Variants in SELENOI observed in about 807,000 individuals in gnomAD.
SELENOI encodes the protein selenoprotein I, also known as ethanolaminephosphotransferase 1.
A neutral mutation model predicts 50.7 loss-of-function variants in SELENOI; 24 were observed. The observed-to-expected ratio is 0.47, with a 90% confidence interval of 0.34 to 0.67. The LOEUF is 0.67. SELENOI is among the 30% of genes least tolerant of loss of function. SELENOI has a pLI of 0.01. For missense variants in SELENOI, 352 were observed against 461.4 expected (o/e 0.76, Z 2.17); for synonymous variants, 155 against 170.2 (o/e 0.91, Z 0.70).
chr2:26,381,001 T>A (rs1677681375), intron 6 of SELENOI, among the ~76,000 whole-genome samples: 2 of 151,558 alleles, frequency 1.3e-5, no homozygotes, highest in South Asian at 4.2e-4. Flanking sequence ...GCTATTCATA[T>A]ATTAGGTATA....
intron 3 of SELENOI, among the ~76,000 whole-genome samples, chr2:26,365,711 A>C (rs1167428488): frequency 1.3e-5 from 2 of 151,934 alleles, no homozygotes; most frequent in Non-Finnish European, 1.5e-5. Context: ...AGTTCAGCAG[A>C]CTTTTCTGGA....
At chr2:26,370,716 A>C (rs1574757527) in intron 4 of SELENOI, among the ~76,000 whole-genome samples, 1 of 128,986 alleles carries the variant, frequency 7.8e-6, no homozygotes, top group East Asian at 2.6e-4. Context: ...CACCTCCCGG[A>C]CGGGGCGGCT....
intron 7 of SELENOI, 22 bp from the exon 8 acceptor site, chr2:26,384,937 A>T (rs1230868447): frequency 3.9e-6 from 6 of 1,557,984 alleles, no homozygotes. Flanking sequence ...TGTTCTTTAT[A>T]TTACTTGATT....
At chr2:26,362,440 T>C (rs1169314382) in intron 1 of SELENOI, among the ~76,000 whole-genome samples, 1 of 152,226 alleles carries the variant, frequency 6.6e-6, no homozygotes, top group African/African-American at 2.4e-5. Flanking sequence ...ACTTATTTTG[T>C]ATACATACTG....
chr2:26,367,218 T>C lies in SELENOI; in HGVS notation c.308T>C (p.Leu103Pro). The change falls in exon 4 of 10, where the codon CTA (leucine) becomes CCA (proline). Residue 103 changes from leucine to proline, a missense_variant and splice_region_variant. By Grantham distance (98) the Leu-to-Pro change is moderately conservative (BLOSUM62 -3). Coordinates refer to ENST00000260585, the MANE Select transcript of SELENOI (RefSeq NM_033505.4). ...ATCCTCAACTTCGTAGCCTACACTC[T>C]AGGTAAGGAATTGGTAAATACTTAC... ...VGILNFVAYT[L>P]DGVDGKQARR... 2.5e-6 allele frequency: 4 copies of C among 1,605,432 alleles called. No homozygotes were observed. The highest frequency in any genetic ancestry group is 3.4e-6 in the Non-Finnish European group (4 of 1,175,502).
chr2:26,387,488 C>T (rs144696661), intron 9 of SELENOI, among the ~76,000 whole-genome samples: 3 of 151,512 alleles, frequency 2.0e-5, no homozygotes, highest in East Asian at 3.9e-4. Context: ...CTCAGGAGTT[C>T]GAGACCACCC....
Position 26,386,396 on chromosome 2 carries a change from A to G in SELENOI, c.955A>G (p.Thr319Ala). Residue 319 changes from threonine to alanine, a missense_variant, in exon 9 of 10, where the codon ACT becomes GCT. Thr to Ala is a moderately conservative substitution (Grantham distance 58). Coordinates refer to ENST00000260585, the MANE Select transcript of SELENOI (RefSeq NM_033505.4). ...VCQMSSTRCPTLNWLLVPLFL... is the reference protein window; with the variant it reads ...VCQMSSTRCPALNWLLVPLFL... Reference sequence around the variant, plus strand: ...CCAAATGAGTAGTACCCGGTGTCCAACTTTGAATTGGTTGCTGGTTCCTCT... The same window carrying G: ...CCAAATGAGTAGTACCCGGTGTCCAGCTTTGAATTGGTTGCTGGTTCCTCT... 2.5e-6 allele frequency: 4 copies of G among 1,613,946 alleles called. No homozygotes were observed. The highest frequency in any genetic ancestry group is 3.4e-6 in the Non-Finnish European group (4 of 1,179,874).
chr2:26,384,944 G>T lies in SELENOI; in HGVS notation c.732-15G>T, dbSNP rs771007048. 3.2e-6 allele frequency: 5 copies of T among 1,577,554 alleles called. No homozygotes were observed. In the South Asian group the frequency reaches 4.6e-5, roughly 14 times the overall value. ...TGTAATAATGTTCTTTATATTACTT[G>T]ATTTTTTTTTCCAGAAGCTATAAAA... On this transcript the variant is annotated splice_polypyrimidine_tract_variant and intron_variant, in intron 7 of 9. Coordinates refer to ENST00000260585, the MANE Select transcript of SELENOI (RefSeq NM_033505.4).
intron 1 of SELENOI, among the ~76,000 whole-genome samples, chr2:26,357,592 G>C (rs940196380): frequency 6.6e-6 from 1 of 152,188 alleles, no homozygotes; most frequent in African/African-American, 2.4e-5. Context: ...CTCTATTTCA[G>C]CTTCCAGTAG....
At chr2:26,364,002 C>T (rs987577568) in intron 1 of SELENOI, among the ~76,000 whole-genome samples, 5 of 152,068 alleles carry the variant, frequency 3.3e-5, no homozygotes, top group East Asian at 1.9e-4. Context: ...TTGACCTTCC[C>T]GAAGTGCTAG....
intron 6 of SELENOI, among the ~76,000 whole-genome samples, chr2:26,379,422 G>A (rs1417984975): frequency 6.6e-6 from 1 of 151,974 alleles, no homozygotes; most frequent in African/African-American, 2.4e-5. Flanking sequence ...ATGTTCCTCT[G>A]CCCCTCACTT....
At chr2:26,364,781 G>A in intron 2 of SELENOI, 51 bp from the exon 3 acceptor site, 1 of 1,320,026 alleles carries the variant, frequency 7.6e-7, no homozygotes, top group Middle Eastern at 2.0e-4. Context: ...AGTATACATT[G>A]GACAGAGATT....
intron 6 of SELENOI, among the ~76,000 whole-genome samples, chr2:26,378,569 C>CAT (rs949618554): frequency 2.0e-5 from 3 of 152,226 alleles, no homozygotes; most frequent in Non-Finnish European, 4.4e-5. Flanking sequence ...TATCTGCTTC[C>CAT]ATAAGCTGGT....
rs1678056385 is a variant in SELENOI, at chr2:26,394,937, C to G, written c.*5834C>G. 2.6e-5 allele frequency: 4 copies of G among 152,196 alleles called. No individual in the cohort carries two copies. Among genetic ancestry groups the G allele is most frequent in the Admixed American group, 2.6e-4 (4 of 15,288 alleles). The allele number at this position is 152,196 out of a possible 1,614,324, so 9.4% of individuals were successfully genotyped here. On this transcript the variant is annotated 3_prime_UTR_variant, in exon 10 of 10. Transcript: ENST00000260585. The surrounding 1 kb of genome is among the most constrained non-coding windows in gnomAD (Gnocchi z 4.1). ...TCTGAAACAAGAGGACGATTCCATTCCTTCTCAGGAACCTAGAAACAACAC... is the reference window on the plus strand; with the variant it reads ...TCTGAAACAAGAGGACGATTCCATTGCTTCTCAGGAACCTAGAAACAACAC...
At chr2:26,381,835 A>T (rs114867189) in intron 6 of SELENOI, among the ~76,000 whole-genome samples, 2,240 of 152,240 alleles carry the variant, frequency 0.015, 29 homozygotes, top group Non-Finnish European at 0.022. Context: ...TTTAAGCCAG[A>T]TGTCTTAGGA....
rs57102834 is a variant in SELENOI at position 26,381,198 on chromosome 2, C to CTTTTTTTTTTTTTTT, written c.683-2084_683-2070dup. Among the ~76,000 whole-genome samples the CTTTTTTTTTTTTTTT allele has an allele frequency of 9.3e-4, 28 of 30,198 alleles. 4 individuals carry two copies. The highest frequency in any genetic ancestry group is 3.1e-3 in the African/African-American group (17 of 5,532). The allele number at this position is 30,198 out of a possible 152,430, so 19.8% of individuals were successfully genotyped here. ...TGGATTGTATCTCCTTCAGTTTGGT[C>CTTTTTTTTTTTTTTT]TTTTTTTTTTTTTTTTTTTTTTTTT... On this transcript the variant is annotated intron_variant, in intron 6 of 9. Transcript: ENST00000260585.
At chr2:26,363,005 T>C (rs1438728742) in intron 1 of SELENOI, among the ~76,000 whole-genome samples, 3 of 152,188 alleles carry the variant, frequency 2.0e-5, no homozygotes, top group African/African-American at 4.8e-5. Flanking sequence ...TTTACATGTT[T>C]ATGTATGTCT....
At chr2:26,360,218 A>G (rs1677146470) in intron 1 of SELENOI, among the ~76,000 whole-genome samples, 1 of 152,224 alleles carries the variant, frequency 6.6e-6, no homozygotes, top group Non-Finnish European at 1.5e-5. Context: ...TGGGTTCTTA[A>G]GACAGTTTAG....
intron 1 of SELENOI, among the ~76,000 whole-genome samples, chr2:26,355,081 A>T (rs2147945113): frequency 6.6e-6 from 1 of 152,368 alleles, no homozygotes. Flanking sequence ...GATAATTCTG[A>T]AAACTGAATG....
Sources: allele counts gnomAD v4.1 joint callset (sites outside exome capture counted in the v4.1 genomes callset), GRCh38; gene constraint gnomAD v4.1.1; non-coding constraint Gnocchi (gnomAD v3.1); transcripts MANE v1.5; gene names NCBI Gene and HGNC (gene_info 2026-07-23, HGNC 2026-07-21).